The following TNNT3 variants were observed in gnomAD, a reference collection of about 807,000 sequenced individuals.
TNNT3 encodes the protein troponin T, fast skeletal muscle.
TNNT3 carries 36 observed loss-of-function variants against 54.2 expected under a neutral mutation model. The ratio of observed to expected loss-of-function variants is 0.66; its 90% CI spans 0.51 to 0.88. The LOEUF (loss-of-function observed/expected upper bound fraction) is 0.88, where lower values mean the gene tolerates loss of function less well. TNNT3 is among the 40% of genes least tolerant of loss of function. TNNT3 has a pLI of 0.00. For synonymous variants in TNNT3, 120 were observed against 109.7 expected (o/e 1.09, Z -0.59); for missense variants, 291 against 331.6 (o/e 0.88, Z 0.95).
intron 1 of TNNT3, among the ~76,000 whole-genome samples, chr11:1,920,702 G>A (rs1296431891): frequency 1.3e-5 from 2 of 152,086 alleles, no homozygotes; most frequent in Non-Finnish European, 2.9e-5. Context: ...TGATGCATAC[G>A]TGCCCGAAGA....
At chr11:1,933,084 CCACT>C (rs1335552361) in intron 9 of TNNT3, among the ~76,000 whole-genome samples, 2 of 149,924 alleles carry the variant, frequency 1.3e-5, no homozygotes, top group African/African-American at 2.5e-5. Context: ...CATCTATCAT[CCACT>C]CACTCACATA....
intron 11 of TNNT3, 45 bp from the exon 12 acceptor site, chr11:1,934,287 G>A (rs1352552075): frequency 7.7e-6 from 12 of 1,564,496 alleles, no homozygotes; most frequent in South Asian, 1.1e-5. Flanking sequence ...AGAAAGCATA[G>A]CCCTCTCTCC....
Position 1,932,409 on chromosome 11 carries a change from C to G in TNNT3, c.126-60C>G, listed in dbSNP as rs1853652889. ...AGGGGCCAGCGGGGAAAGCGCCAGG[C>G]TGACCCTCTGGGGTGGGTCTCCGGG... is the stretch of plus-strand genomic sequence containing the variant. On this transcript the variant is annotated intron_variant, in intron 8 of 15. Transcript: ENST00000278317. 26 of 1,551,066 alleles carry G rather than the reference C, an allele frequency of 1.7e-5. No individual in the cohort carries two copies. The South Asian group carries it at 2.7e-4, about 16-fold the overall frequency.
At chr11:1,924,462 T>C (rs1275805286) in intron 4 of TNNT3, among the ~76,000 whole-genome samples, 3 of 152,270 alleles carry the variant, frequency 2.0e-5, no homozygotes, top group African/African-American at 7.2e-5. Context: ...TGAGGAGTCC[T>C]GAGTGCTATG....
intron 4 of TNNT3, among the ~76,000 whole-genome samples, chr11:1,924,467 G>A (rs1262205104): frequency 6.6e-6 from 1 of 152,248 alleles, no homozygotes; most frequent in Non-Finnish European, 1.5e-5. Context: ...AGTCCTGAGT[G>A]CTATGTTTTG....
At position 1,938,508 on chromosome 11, in the gene TNNT3, C is replaced by T; in HGVS notation, c.*16C>T. 1.2e-6 allele frequency: 2 copies of T among 1,612,806 alleles called. No homozygotes were observed. The highest frequency in any genetic ancestry group is 1.7e-6 in the Non-Finnish European group (2 of 1,179,696). On this transcript the variant is annotated 3_prime_UTR_variant, in exon 16 of 16. Transcript: ENST00000278317. Reference sequence around the variant, plus strand: ...CTGGAAGTAGAGAGGCCAGAAAGGCCCCTCGAGGCAGAGACCCTCCGCCCT... The same window carrying T: ...CTGGAAGTAGAGAGGCCAGAAAGGCTCCTCGAGGCAGAGACCCTCCGCCCT...
At chr11:1,926,427 C>T (rs2734504) in intron 5 of TNNT3, 208 of 1,612,900 alleles carry the variant, frequency 1.3e-4, no homozygotes, top group Non-Finnish European at 1.7e-4. Context: ...ACCTCTGACC[C>T]GCGGTTTTGC....
Position 1,929,179 on chromosome 11 carries a change from C to A in TNNT3, c.106+36C>A, listed in dbSNP as rs770117127. ...GTCCCTGCCGCCGGAGGTGCAGGACCCTGGCTCTAGCCGACGCGAGGGAAA... is the reference window on the plus strand; with the variant it reads ...GTCCCTGCCGCCGGAGGTGCAGGACACTGGCTCTAGCCGACGCGAGGGAAA... On this transcript the variant is annotated intron_variant, in intron 7 of 15. Coordinates refer to ENST00000278317, the MANE Select transcript of TNNT3 (RefSeq NM_006757.4). 102 of 1,611,050 alleles carry A rather than the reference C, an allele frequency of 6.3e-5. 2 individuals carry two copies. The East Asian group carries it at 2.3e-3, about 36-fold the overall frequency.
At chr11:1,929,292 G>A (rs1852586039) in intron 7 of TNNT3, 149 bp downstream of exon 7, 1 of 1,081,146 alleles carries the variant, frequency 9.2e-7, no homozygotes, top group South Asian at 1.3e-5. Context: ...CGGAGGGCCA[G>A]GCCTTGCTGC....
chr11:1,932,612 G>A (rs1368387235), intron 9 of TNNT3, 98 bp downstream of exon 9: 2 of 1,247,994 alleles, frequency 1.6e-6, no homozygotes, highest in African/African-American at 3.0e-5. Flanking sequence ...CAAGTAGCCA[G>A]AGCCGGGGCC....
Position 1,929,041 on chromosome 11 carries a change from G to C in TNNT3, c.83-79G>C, listed in dbSNP as rs200645077. The C allele has an allele frequency of 7.9e-4, 1,227 of 1,548,204 alleles. 10 individuals are homozygous for C. Among genetic ancestry groups the C allele is most frequent in the South Asian group, 5.7e-3 (516 of 89,846 alleles). ...AGGGGTGGGCCCCTTGCCCGCCACAGGCCCCTTGCCCACTGCTCCCCCGCA... is the reference window on the plus strand; with the variant it reads ...AGGGGTGGGCCCCTTGCCCGCCACACGCCCCTTGCCCACTGCTCCCCCGCA... On this transcript the variant is annotated intron_variant, in intron 6 of 15. Transcript: ENST00000278317.
intron 4 of TNNT3, among the ~76,000 whole-genome samples, chr11:1,924,319 G>C (rs879679912): frequency 1.3e-5 from 2 of 152,176 alleles, no homozygotes; most frequent in Admixed American, 6.5e-5. Flanking sequence ...CCGGGCAGGC[G>C]TGGGCGGGTG....
chr11:1,933,685 A>G lies in TNNT3; in HGVS notation c.172-36A>G, dbSNP rs1015938603. The stretch of plus-strand genomic sequence containing the variant: ...GCCAGGCAGGGCAGAGGTTGGAGAG[A>G]GGGGTGGGGCTCACACCCACTGCCC... On this transcript the variant is annotated intron_variant, in intron 9 of 15. Transcript: ENST00000278317. 3.9e-6 allele frequency: 6 copies of G among 1,537,752 alleles called. No individual in the cohort carries two copies. In the African/African-American group the frequency reaches 5.4e-5, roughly 14 times the overall value.
intron 8 of TNNT3, 46 bp downstream of exon 8, chr11:1,929,874 G>A: frequency 2.0e-6 from 3 of 1,505,282 alleles, no homozygotes; most frequent in East Asian, 2.5e-5. Context: ...GTGTTCTGGG[G>A]TGGGGGTGGT....
intron 5 of TNNT3, chr11:1,926,333 G>A: frequency 9.2e-7 from 1 of 1,084,364 alleles, no homozygotes; most frequent in Non-Finnish European, 1.4e-6. Context: ...CTCTGACCGT[G>A]TCTTGCTCGC....
At chr11:1,924,827 AG>A (rs1851064593) in intron 4 of TNNT3, 1 of 597,074 alleles carries the variant, frequency 1.7e-6, no homozygotes, top group Non-Finnish European at 3.0e-6. Context: ...GGCCCCCAGG[AG>A]GGTGGGAGGG....
intron 6 of TNNT3, chr11:1,927,855 T>C (rs943512369): frequency 6.6e-6 from 1 of 152,258 alleles, no homozygotes; most frequent in African/African-American, 2.4e-5. Flanking sequence ...GGGCAGCCCA[T>C]TCATCGTCCT....
In TNNT3 at chr11:1,932,452, C is replaced by T. The variant is rs201689806; in HGVS notation, c.126-17C>T. 2 of 1,613,560 alleles carry T rather than the reference C, an allele frequency of 1.2e-6. No homozygotes were observed. The highest frequency in any genetic ancestry group is 1.1e-5 in the South Asian group (1 of 91,064). On this transcript the variant is annotated splice_polypyrimidine_tract_variant and intron_variant, in intron 8 of 15. Coordinates refer to ENST00000278317, the MANE Select transcript of TNNT3 (RefSeq NM_006757.4). ...TCTCCGGGTCTCTGCTCACGGGCCT[C>T]TCTGTCTCCTCTTCAGACTCACTGC... is the stretch of plus-strand genomic sequence containing the variant.
chr11:1,935,127 C>G (rs1207261302), intron 14 of TNNT3: 3 of 646,766 alleles, frequency 4.6e-6, no homozygotes, highest in Non-Finnish European at 8.4e-6. Flanking sequence ...CCTGGCTGGC[C>G]ATGCAGCGCC....
Sources: allele counts gnomAD v4.1 joint callset (sites outside exome capture counted in the v4.1 genomes callset), GRCh38; gene constraint gnomAD v4.1.1; transcripts MANE v1.5; gene names NCBI Gene and HGNC (gene_info 2026-07-23, HGNC 2026-07-21).